The following HECTD4 variants were observed in gnomAD, a reference collection of about 807,000 sequenced individuals.
HECTD4 encodes HECT domain E3 ubiquitin protein ligase 4, also known as probable E3 ubiquitin-protein ligase HECTD4.
Under a neutral mutation model 471.5 loss-of-function variants are expected in HECTD4, and 114 were observed. The ratio of observed to expected loss-of-function variants is 0.24; its 90% CI spans 0.21 to 0.28. HECTD4 has a LOEUF of 0.28. Among genes scored for constraint, HECTD4 ranks in the 10% least tolerant of loss-of-function variants. The pLI is 1.00. For missense variants in HECTD4, 3,866 were observed against 5,651.5 expected (o/e 0.68, Z 10.13); for synonymous variants, 2,012 against 2,256.0 (o/e 0.89, Z 3.07).
rs2033915366 is a variant in HECTD4 at position 112,252,515 on chromosome 12, G to A, written c.3461C>T (p.Thr1154Ile). 1 of 1,609,478 alleles carries A rather than the reference G, an allele frequency of 6.2e-7. No individual in the cohort carries two copies. The highest frequency in any genetic ancestry group is 1.3e-5 in the African/African-American group (1 of 74,700). ...TCTCATTTCAAAGGAGAAGGTGACT[G>A]TATCTCCTTCCACCTTAAAATTTAA... ...PKDLVKVEGD[T>I]VTFSFEMRSG... Residue 1154 changes from threonine (T) to isoleucine (I), a missense_variant, in exon 23 of 76, where the codon ACA (threonine) becomes ATA (isoleucine). Transcript: ENST00000682272.
At chr12:112,191,052 T>A (rs983055384) in intron 59 of HECTD4, 87 bp from the exon 60 acceptor site, 5 of 1,158,078 alleles carry the variant, frequency 4.3e-6, no homozygotes, top group Non-Finnish European at 6.0e-6. Context: ...GGTGTGCATG[T>A]AGAAACAGGG....
intron 4 of HECTD4, among the ~76,000 whole-genome samples, chr12:112,310,829 G>C (rs1293323375): frequency 6.6e-6 from 1 of 152,208 alleles, no homozygotes; most frequent in Non-Finnish European, 1.5e-5. Context: ...GTATGGCTCT[G>C]TCGAGGGGCA....
rs911264588 is a variant in HECTD4 at position 112,382,213 on chromosome 12, GCAGCGGCCGCCGCGCCCGC to G, written c.-104_-86del. ...GAGCCGCCGCGATCACCAGTCCATGGCAGCGGCCGCCGCGCCCGCCAGCGGCGCCCCACTTGCTGCCTCG... is the reference window on the plus strand; with the variant it reads ...GAGCCGCCGCGATCACCAGTCCATGGCAGCGGCGCCCCACTTGCTGCCTCG... On this transcript the variant is annotated 5_prime_UTR_variant, in exon 1 of 76. Transcript: ENST00000682272. The G allele has an allele frequency of 4.5e-6, 5 of 1,111,522 alleles. No homozygotes were observed. The highest frequency in any genetic ancestry group is 5.6e-6 in the Non-Finnish European group (5 of 885,528). The allele number at this position is 1,111,522 out of a possible 1,614,324, so 68.9% of individuals were successfully genotyped here. A position where few individuals can be genotyped will look rare whatever the true frequency, so the allele number is the denominator to read the frequency against.
intron 7 of HECTD4, among the ~76,000 whole-genome samples, chr12:112,298,881 CAAA>C (rs374274010): frequency 1.0e-4 from 9 of 90,322 alleles, no homozygotes; most frequent in African/African-American, 2.4e-4. Flanking sequence ...GACTCCATCT[CAAA>C]AAAAAAAAAA....
chr12:112,259,328 AT>A lies in HECTD4; in HGVS notation c.2874-64del, dbSNP rs2034092924. 6.7e-5 allele frequency: 103 copies of A among 1,545,726 alleles called. 1 individual carries two copies. The South Asian group carries it at 1.1e-3, about 17-fold the overall frequency. ...TGCCCAAACATGTGAAGAAGCACTA[AT>A]GTCATCTTTATCTGACAATTTCTCC... is the stretch of plus-strand genomic sequence containing the variant. On this transcript the variant is annotated intron_variant, in intron 18 of 75. Coordinates refer to ENST00000682272, the MANE Select transcript of HECTD4 (RefSeq NM_001388303.1).
At chr12:112,164,404 A>C in intron 72 of HECTD4, 129 bp from the exon 73 acceptor site, 1 of 962,362 alleles carries the variant, frequency 1.0e-6, no homozygotes, top group African/African-American at 1.6e-5. Context: ...TGAGCATGTG[A>C]CACAGCTTTC....
chr12:112,162,919 G>T lies in HECTD4; in HGVS notation c.13120+123C>A. On this transcript the variant is annotated intron_variant, in intron 75 of 75. Coordinates refer to ENST00000682272, the MANE Select transcript of HECTD4 (RefSeq NM_001388303.1). This position sits in a 1 kb window ranked among gnomAD's most constrained non-coding sequence, Gnocchi z 5.2. ...CGGGCCCTAATCCTCAATGATGTCT[G>T]AGTTTTGGCACGTGGGGCTCCTGTT... 1 of 795,088 alleles carries T rather than the reference G, an allele frequency of 1.3e-6. No individual in the cohort carries two copies. Among genetic ancestry groups the T allele is most frequent in the Non-Finnish European group, 2.1e-6 (1 of 486,274 alleles). 49.3% of individuals were successfully genotyped at this position (795,088 alleles called of 1,614,324 possible).
rs1314349467 is a variant in HECTD4 at position 112,219,485 on chromosome 12, C to T, written c.6975G>A (p.Glu2325=). The part of the protein sequence containing the change: ...NLVAQECSAG[E]RLAVVEVQCE... ...ACTGTACCTCCACAACTGCAAGTCG[C>T]TCTCCTGTAGAGGGCACATGTTGAA... is the stretch of plus-strand genomic sequence containing the variant. The change falls in exon 45 of 76, where the codon GAG becomes GAA. Residue 2325 remains glutamate (E), a synonymous_variant. Coordinates refer to ENST00000682272, the MANE Select transcript of HECTD4 (RefSeq NM_001388303.1). 3 of 1,612,708 alleles carry T rather than the reference C, an allele frequency of 1.9e-6. No homozygotes were observed. The highest frequency in any genetic ancestry group is 2.5e-6 in the Non-Finnish European group (3 of 1,179,016).
chr12:112,163,857 C>A lies in HECTD4; in HGVS notation c.12702-120G>T. On this transcript the variant is annotated intron_variant, in intron 73 of 75. Coordinates refer to ENST00000682272, the MANE Select transcript of HECTD4 (RefSeq NM_001388303.1). This position sits in a 1 kb window ranked among gnomAD's most constrained non-coding sequence, Gnocchi z 8.2. ...TTGGGAGAGGCCTGGGGCCCAGCCG[C>A]CCTGGTCATCCCAGTCCTTTCCTGC... 1 of 967,614 alleles carries A rather than the reference C, an allele frequency of 1.0e-6. No individual in the cohort carries two copies. Among genetic ancestry groups the A allele is most frequent in the Non-Finnish European group, 1.4e-6 (1 of 696,922 alleles). 59.9% of individuals were successfully genotyped at this position (967,614 alleles called of 1,614,324 possible).
chr12:112,352,098 T>C (rs776436749), intron 1 of HECTD4, among the ~76,000 whole-genome samples: 6 of 152,200 alleles, frequency 3.9e-5, no homozygotes, highest in Non-Finnish European at 7.3e-5. Context: ...AAGAAGCTTT[T>C]GCTTTTTAAT....
chr12:112,332,404 G>T (rs1251340543), intron 1 of HECTD4, among the ~76,000 whole-genome samples: 1 of 151,962 alleles, frequency 6.6e-6, no homozygotes, highest in Non-Finnish European at 1.5e-5. Context: ...GGTCCTGGTG[G>T]TATGAGCCTG....
chr12:112,272,025 A>T (rs922448819), intron 11 of HECTD4, among the ~76,000 whole-genome samples: 1 of 151,632 alleles, frequency 6.6e-6, no homozygotes, highest in Non-Finnish European at 1.5e-5. Context: ...TCTTGCATTT[A>T]TTTTTTTTAA....
chr12:112,376,163 CT>C (rs999576486), intron 1 of HECTD4, among the ~76,000 whole-genome samples: 15 of 151,406 alleles, frequency 9.9e-5, no homozygotes, highest in African/African-American at 3.4e-4. Flanking sequence ...GCTATTTTTT[CT>C]TTTTTTTTCT....
At chr12:112,234,326 C>T (rs2033450950) in intron 37 of HECTD4, among the ~76,000 whole-genome samples, 1 of 152,164 alleles carries the variant, frequency 6.6e-6, no homozygotes, top group African/African-American at 2.4e-5. Context: ...TGGAGATTTC[C>T]TCATATAAGC....
chr12:112,364,349 G>T (rs1267268261), intron 1 of HECTD4, among the ~76,000 whole-genome samples: 4 of 151,832 alleles, frequency 2.6e-5, no homozygotes, highest in Non-Finnish European at 4.4e-5. Context: ...GGAGCTTGCA[G>T]TGAGCCGAGA....
intron 1 of HECTD4, among the ~76,000 whole-genome samples, chr12:112,332,989 A>C (rs538662208): frequency 6.6e-6 from 1 of 152,326 alleles, no homozygotes; most frequent in South Asian, 2.1e-4. Flanking sequence ...TCTTTCTCTC[A>C]GTATACTGTT....
At chr12:112,324,042 CTTCCTTTCTTTCTTTCT>C (rs2035676331) in intron 1 of HECTD4, among the ~76,000 whole-genome samples, 1 of 47,068 alleles carries the variant, frequency 2.1e-5, no homozygotes, top group African/African-American at 2.1e-4. Flanking sequence ...TCCTTCCTTC[CTTCCTTTCTTTCTTTCT>C]TTCTTTCTTT....
rs2030741134 is a variant in HECTD4 at position 112,162,764 on chromosome 12, GTTTC to G, written c.13121-245_13121-242del. 1 of 524,618 alleles carries G rather than the reference GTTTC, an allele frequency of 1.9e-6. No individual in the cohort carries two copies. Among genetic ancestry groups the G allele is most frequent in the Non-Finnish European group, 3.3e-6 (1 of 301,356 alleles). The allele number at this position is 524,618 out of a possible 1,614,324, so 32.5% of individuals were successfully genotyped here. A position where few individuals can be genotyped will look rare whatever the true frequency, so the allele number is the denominator to read the frequency against. ...GATGGGTTTGTCTGCCCAGCAAATT[GTTTC>G]TTTTTTTTTTTTTTTAACCATTTTT... On this transcript the variant is annotated intron_variant, in intron 75 of 75. Coordinates refer to ENST00000682272, the MANE Select transcript of HECTD4 (RefSeq NM_001388303.1). The surrounding 1 kb of genome is among the most constrained non-coding windows in gnomAD (Gnocchi z 5.2).
chr12:112,356,688 T>C (rs2036344142), intron 1 of HECTD4, among the ~76,000 whole-genome samples: 1 of 152,148 alleles, frequency 6.6e-6, no homozygotes, highest in Non-Finnish European at 1.5e-5. Context: ...TCCTCCCACC[T>C]CGGCCTCCCA....
Sources: allele counts gnomAD v4.1 joint callset (sites outside exome capture counted in the v4.1 genomes callset), GRCh38; gene constraint gnomAD v4.1.1; non-coding constraint Gnocchi (gnomAD v3.1); transcripts MANE v1.5; gene names NCBI Gene and HGNC (gene_info 2026-07-23, HGNC 2026-07-21).